The following STXBP6 variants were observed in gnomAD, a reference collection of about 807,000 sequenced individuals.
STXBP6 encodes syntaxin-binding protein 6.
STXBP6 carries 21 observed loss-of-function variants against 26.9 expected under a neutral mutation model. That is an observed-to-expected ratio of 0.78 (90% CI 0.55 to 1.12). STXBP6 has a LOEUF of 1.12. Ranked by LOEUF, STXBP6 falls within the 50% of genes most tolerant of loss-of-function variation. The probability of loss-of-function intolerance (pLI) is 0.00; values close to 1 mark genes in which losing one functional copy is unlikely to be tolerated. For missense variants in STXBP6, 232 were observed against 257.9 expected (o/e 0.90, Z 0.69); for synonymous variants, 97 against 92.6 (o/e 1.05, Z -0.27).
rs911723912 is a variant in STXBP6 at position 24,857,117 on chromosome 14, G to T, written c.195C>A (p.Val65=). Residue 65 remains valine (V), a synonymous_variant, in exon 3 of 6, where the codon GTC becomes GTA. Coordinates refer to ENST00000323944, the MANE Select transcript of STXBP6 (RefSeq NM_001394410.1). Reference sequence around the variant, plus strand: ...ATGATGTGGAGCCTTCAAACTGTTTGACCTTTGTGATGGACGCCTGTGTGG... The same window carrying T: ...ATGATGTGGAGCCTTCAAACTGTTTTACCTTTGTGATGGACGCCTGTGTGG... ...KKPTQASITK[V]KQFEGSTSFV... 1 of 1,613,036 alleles carries T rather than the reference G, an allele frequency of 6.2e-7. No individual in the cohort carries two copies. The highest frequency in any genetic ancestry group is 8.5e-7 in the Non-Finnish European group (1 of 1,179,242).
intron 1 of STXBP6, among the ~76,000 whole-genome samples, chr14:25,005,787 T>C (rs1344037488): frequency 6.7e-6 from 1 of 148,964 alleles, no homozygotes; most frequent in Non-Finnish European, 1.5e-5. Context: ...TCTACAAATT[T>C]AAAATAGTAG....
intron 2 of STXBP6, among the ~76,000 whole-genome samples, chr14:24,968,282 A>AT: frequency 6.6e-6 from 1 of 151,084 alleles, no homozygotes; most frequent in Non-Finnish European, 1.5e-5. Context: ...TTTTTCCTGG[A>AT]TAAAAACTCT....
rs543628072 is a variant in STXBP6 at position 24,945,799 on chromosome 14, T to C, written c.154+28866A>G. Among the ~76,000 whole-genome samples, 41 of 152,312 alleles carry C rather than the reference T, an allele frequency of 2.7e-4. No homozygotes were observed. In the South Asian group the frequency reaches 4.3e-3, roughly 16 times the overall value. On this transcript the variant is annotated intron_variant, in intron 2 of 5. Coordinates refer to ENST00000323944, the MANE Select transcript of STXBP6 (RefSeq NM_001394410.1). Reference sequence around the variant, plus strand: ...GGGCTTTATATATAGTAAAAACATATACTAACTCATTGAATCCTCTACAAA... The same window carrying C: ...GGGCTTTATATATAGTAAAAACATACACTAACTCATTGAATCCTCTACAAA...
chr14:25,024,374 CTG>C (rs1370914867), intron 1 of STXBP6, among the ~76,000 whole-genome samples: 1 of 152,008 alleles, frequency 6.6e-6, no homozygotes, highest in Non-Finnish European at 1.5e-5. Context: ...GTCTTAGAAT[CTG>C]TGAAAAACTA....
In STXBP6 at chr14:24,996,275, A is replaced by T. The variant is rs143008502; in HGVS notation, c.-32-21425T>A. ...TTAATGCTTCTTGGCTATTTACTAT[A>T]CTTATTTGTGCTGAGTAGATCATAA... is the stretch of plus-strand genomic sequence containing the variant. On this transcript the variant is annotated intron_variant, in intron 1 of 5. Transcript: ENST00000323944. Among the ~76,000 whole-genome samples, 53 of 152,250 alleles carry T rather than the reference A, an allele frequency of 3.5e-4. 2 individuals carry two copies. The East Asian group carries it at 0.01, about 29-fold the overall frequency.
chr14:24,887,965 A>C (rs1028960159), intron 2 of STXBP6, among the ~76,000 whole-genome samples: 1 of 152,174 alleles, frequency 6.6e-6, no homozygotes, highest in Non-Finnish European at 1.5e-5. Context: ...GCTTAGACAC[A>C]CTCATACAAA....
intron 2 of STXBP6, among the ~76,000 whole-genome samples, chr14:24,882,877 T>C (rs1380750575): frequency 6.6e-6 from 1 of 152,206 alleles, no homozygotes; most frequent in African/African-American, 2.4e-5. Context: ...TGAAACTTTG[T>C]ATATTCTTTC....
At chr14:24,898,340 T>C (rs1035517652) in intron 2 of STXBP6, among the ~76,000 whole-genome samples, 1 of 152,208 alleles carries the variant, frequency 6.6e-6, no homozygotes, top group African/African-American at 2.4e-5. Flanking sequence ...TACTGAACCT[T>C]ACTGAACCTC....
chr14:24,963,051 A>G (rs929932495), intron 2 of STXBP6, among the ~76,000 whole-genome samples: 11 of 152,204 alleles, frequency 7.2e-5, no homozygotes, highest in African/African-American at 2.7e-4. Flanking sequence ...AAACGGGAGA[A>G]GTATTAAAAA....
At chr14:24,977,088 T>C (rs988307039) in intron 1 of STXBP6, among the ~76,000 whole-genome samples, 1 of 151,672 alleles carries the variant, frequency 6.6e-6, no homozygotes, top group Admixed American at 6.6e-5. Flanking sequence ...GTCTCAAAAC[T>C]CCTGATCTCA....
At chr14:24,955,154 T>C (rs1433860516) in intron 2 of STXBP6, among the ~76,000 whole-genome samples, 2 of 152,206 alleles carry the variant, frequency 1.3e-5, no homozygotes, top group African/African-American at 2.4e-5. Context: ...TATTGGTCTA[T>C]AGAAATTATG....
intron 2 of STXBP6, among the ~76,000 whole-genome samples, chr14:24,930,379 T>A (rs2072339680): frequency 6.6e-6 from 1 of 152,266 alleles, no homozygotes; most frequent in Non-Finnish European, 1.5e-5. Flanking sequence ...TTTGTGATTG[T>A]GGCACTGTGC....
intron 2 of STXBP6, among the ~76,000 whole-genome samples, chr14:24,919,670 A>C (rs1292331026): frequency 6.6e-6 from 1 of 152,012 alleles, no homozygotes. Flanking sequence ...AATGCACCTC[A>C]CATGTGTGAC....
At chr14:25,040,488 C>T (rs1314517595) in intron 1 of STXBP6, among the ~76,000 whole-genome samples, 1 of 152,172 alleles carries the variant, frequency 6.6e-6, no homozygotes, top group African/African-American at 2.4e-5. Context: ...GTAACAGTAC[C>T]TACCTCTGAG....
chr14:24,963,791 T>C (rs2073630146), intron 2 of STXBP6, among the ~76,000 whole-genome samples: 1 of 152,158 alleles, frequency 6.6e-6, no homozygotes, highest in Non-Finnish European at 1.5e-5. Flanking sequence ...GAAGCATTTA[T>C]AAATTGCTCA....
rs550161465 is a variant in STXBP6 at position 24,957,597 on chromosome 14, C to T, written c.154+17068G>A. On this transcript the variant is annotated intron_variant, in intron 2 of 5. Coordinates refer to ENST00000323944, the MANE Select transcript of STXBP6 (RefSeq NM_001394410.1). ...TTCAAATGCTAGATGTGAATGATGACGGAACTACCATTTACTAAGCATTTA... is the reference window on the plus strand; with the variant it reads ...TTCAAATGCTAGATGTGAATGATGATGGAACTACCATTTACTAAGCATTTA... 1.8e-4 allele frequency among the ~76,000 whole-genome samples: 27 copies of T among 152,312 alleles called. No individual in the cohort carries two copies. The South Asian group carries it at 5.2e-3, about 29-fold the overall frequency.
intron 4 of STXBP6, among the ~76,000 whole-genome samples, chr14:24,843,310 T>C (rs781478152): frequency 1.1e-4 from 17 of 152,162 alleles, no homozygotes; most frequent in Admixed American, 2.6e-4. Flanking sequence ...TACAAATACA[T>C]ATAAATACAG....
At chr14:24,921,210 A>C (rs1302212934) in intron 2 of STXBP6, among the ~76,000 whole-genome samples, 1 of 152,182 alleles carries the variant, frequency 6.6e-6, no homozygotes, top group Admixed American at 6.5e-5. Context: ...TAATTCATAC[A>C]ATGTAGTACA....
At chr14:25,041,391 A>G (rs1362270865) in intron 1 of STXBP6, among the ~76,000 whole-genome samples, 1 of 152,240 alleles carries the variant, frequency 6.6e-6, no homozygotes, top group Non-Finnish European at 1.5e-5. Flanking sequence ...ATTTAATCTT[A>G]AAACAACTTG....
Sources: gnomAD v4.1 joint callset for allele counts (sites outside exome capture counted in the v4.1 genomes callset) on GRCh38, gnomAD v4.1.1 for gene constraint, MANE v1.5 for transcripts, NCBI Gene and HGNC (gene_info 2026-07-23, HGNC 2026-07-21) for gene names.